Variants in KIF5A observed in about 807,000 individuals in gnomAD.
KIF5A encodes kinesin family member 5A, also known as kinesin heavy chain isoform 5A.
Under a neutral mutation model 141.3 loss-of-function variants are expected in KIF5A, and 35 were observed. That is an observed-to-expected ratio of 0.25 (90% CI 0.19 to 0.33). KIF5A has a LOEUF of 0.33. Ranked by LOEUF, KIF5A falls within the 10% of genes least tolerant of loss-of-function variation. The pLI is 1.00. For missense variants in KIF5A, 861 were observed against 1,314.3 expected (o/e 0.66, Z 5.33); for synonymous variants, 448 against 500.2 (o/e 0.90, Z 1.39).
In KIF5A at chr12:57,581,449, C is replaced by G. The variant is rs761201366; in HGVS notation, c.2790C>G (p.Ser930=). The G allele has an allele frequency of 6.2e-7, 1 of 1,614,088 alleles. No homozygotes were observed. The highest frequency in any genetic ancestry group is 1.6e-4 in the Middle Eastern group (1 of 6,062). ...KPVRPGHYPA[S]SPTNPYGTRS... ...TCCGGCCTGGCCACTACCCAGCATC[C>G]TCACCCACCAACCCCTATGGCACCC... Residue 930 remains serine (S), a synonymous_variant, in exon 25 of 29, where the codon TCC becomes TCG. Transcript: ENST00000455537.
Position 57,550,484 on chromosome 12 carries a change from T to C in KIF5A, c.129+84T>C, listed in dbSNP as rs1594904077. 7.3e-7 allele frequency: 1 copy of C among 1,369,408 alleles called. No homozygotes were observed. Among genetic ancestry groups the C allele is most frequent in the African/African-American group, 1.4e-5 (1 of 70,004 alleles). The allele number at this position is 1,369,408 out of a possible 1,614,324, so 84.8% of individuals were successfully genotyped here. On this transcript the variant is annotated intron_variant, in intron 1 of 28. Transcript: ENST00000455537. The surrounding 1 kb of genome is among the most constrained non-coding windows in gnomAD (Gnocchi z 4.6). ...CCCGCAGAGCCTTAGTCTCTGCTGG[T>C]CCCTTTGCTCCCCCTCCCCGCCGCT... is the stretch of plus-strand genomic sequence containing the variant.
chr12:57,561,812 C>G (rs1881916511), intron 1 of KIF5A, among the ~76,000 whole-genome samples: 1 of 152,162 alleles, frequency 6.6e-6, no homozygotes, highest in Non-Finnish European at 1.5e-5. Flanking sequence ...ATAATTCCTT[C>G]TAGAAAAAAA....
At chr12:57,563,814 A>G in intron 3 of KIF5A, 121 bp downstream of exon 3, 2 of 937,626 alleles carry the variant, frequency 2.1e-6, no homozygotes, top group South Asian at 2.6e-5. Flanking sequence ...AGATGAGTAC[A>G]GAGGATGAAC....
At chr12:57,566,030 T>C (rs1882054322) in intron 6 of KIF5A, among the ~76,000 whole-genome samples, 2 of 152,044 alleles carry the variant, frequency 1.3e-5, no homozygotes, top group Admixed American at 1.3e-4. Flanking sequence ...GCTCAAGAGT[T>C]TGAGGTTGCA....
chr12:57,556,799 G>C (rs192841413), intron 1 of KIF5A, among the ~76,000 whole-genome samples: 252 of 152,230 alleles, frequency 1.7e-3, no homozygotes, highest in African/African-American at 5.6e-3. Flanking sequence ...GTGGGAAAGA[G>C]ATGAGAAAGC....
At chr12:57,582,703 A>T (rs2140172743) in intron 27 of KIF5A, 74 bp downstream of exon 27, 1 of 1,258,468 alleles carries the variant, frequency 7.9e-7, no homozygotes, top group African/African-American at 1.5e-5. Context: ...CTTGTGCCCC[A>T]CTTGGAGGTT....
chr12:57,559,462 G>A (rs1184013526), intron 1 of KIF5A, among the ~76,000 whole-genome samples: 2 of 151,988 alleles, frequency 1.3e-5, no homozygotes, highest in African/African-American at 4.8e-5. Context: ...GTGAGGTCGA[G>A]CATTAATTAA....
intron 1 of KIF5A, among the ~76,000 whole-genome samples, chr12:57,557,475 A>G (rs528129986): frequency 6.6e-6 from 1 of 152,258 alleles, no homozygotes; most frequent in South Asian, 2.1e-4. Context: ...AGGAAAGGAC[A>G]CCGAAGAAGC....
intron 26 of KIF5A, 47 bp downstream of exon 26, chr12:57,581,999 A>G: frequency 6.9e-7 from 1 of 1,459,480 alleles, no homozygotes; most frequent in Non-Finnish European, 9.6e-7. Flanking sequence ...CCTCAGGGCA[A>G]GTTGAGAGGC....
intron 8 of KIF5A, 42 bp downstream of exon 8, chr12:57,567,660 T>TA: frequency 1.3e-6 from 2 of 1,497,916 alleles, no homozygotes; most frequent in Non-Finnish European, 1.8e-6. Flanking sequence ...AAGCCTTGGC[T>TA]CTTTTTTTTT....
At chr12:57,584,180 A>G (rs768210598) in intron 28 of KIF5A, 38 bp from the exon 29 acceptor site, 13 of 152,586 alleles carry the variant, frequency 8.5e-5, no homozygotes, top group Non-Finnish European at 1.6e-4. Context: ...CTGAGCTACA[A>G]GCTGGGCCCT....
At position 57,575,508 on chromosome 12, in the gene KIF5A, C is replaced by G; in HGVS notation, c.1906-132C>G. 3 of 925,752 alleles carry G rather than the reference C, an allele frequency of 3.2e-6. No homozygotes were observed. The South Asian group carries it at 3.9e-5, about 12-fold the overall frequency. The allele number at this position is 925,752 out of a possible 1,614,324, so 57.3% of individuals were successfully genotyped here. Reference sequence around the variant, plus strand: ...AAGGAAGAGCCCCATAGGAATGGCCCCCAACCCTGCACCCTCATGGGAAGT... The same window carrying G: ...AAGGAAGAGCCCCATAGGAATGGCCGCCAACCCTGCACCCTCATGGGAAGT... On this transcript the variant is annotated intron_variant, in intron 16 of 28. Transcript: ENST00000455537.
intron 6 of KIF5A, among the ~76,000 whole-genome samples, chr12:57,565,399 C>T (rs926229420): frequency 2.2e-4 from 34 of 151,320 alleles, no homozygotes; most frequent in South Asian, 6.3e-4. Context: ...CCAGCCTGGG[C>T]GACAGAGTGA....
intron 13 of KIF5A, among the ~76,000 whole-genome samples, chr12:57,571,778 C>T (rs1882263185): frequency 6.6e-6 from 1 of 151,998 alleles, no homozygotes; most frequent in African/African-American, 2.4e-5. Flanking sequence ...AGGCTGGTCT[C>T]GAACTCCTGA....
At chr12:57,574,128 G>C (rs1882347658) in intron 15 of KIF5A, among the ~76,000 whole-genome samples, 1 of 151,742 alleles carries the variant, frequency 6.6e-6, no homozygotes. Context: ...GCTTGCAGTA[G>C]GAGTTAGAGG....
Position 57,550,261 on chromosome 12 carries a change from C to T in KIF5A, c.-11C>T, listed in dbSNP as rs750592743. 6.2e-7 allele frequency: 1 copy of T among 1,613,960 alleles called. No homozygotes were observed. Among genetic ancestry groups the T allele is most frequent in the South Asian group, 1.1e-5 (1 of 91,080 alleles). On this transcript the variant is annotated 5_prime_UTR_variant, in exon 1 of 29. Transcript: ENST00000455537. The surrounding 1 kb of genome is among the most constrained non-coding windows in gnomAD (Gnocchi z 4.6). Reference sequence around the variant, plus strand: ...CCCAAGAAGAGTCCCAGCCCCACGCCGGCTACCACCATGGCGGAGACCAAC... The same window carrying T: ...CCCAAGAAGAGTCCCAGCCCCACGCTGGCTACCACCATGGCGGAGACCAAC...
At chr12:57,568,071 C>T (rs906565934) in intron 8 of KIF5A, among the ~76,000 whole-genome samples, 6 of 151,408 alleles carry the variant, frequency 4.0e-5, no homozygotes, top group African/African-American at 1.2e-4. Flanking sequence ...TTAGTAGAGA[C>T]GGGGTTTCAC....
chr12:57,569,204 C>G (rs1048385024), intron 9 of KIF5A, 52 bp from the exon 10 acceptor site: 2 of 1,608,876 alleles, frequency 1.2e-6, no homozygotes, highest in African/African-American at 2.7e-5. Context: ...TTCTGATTCC[C>G]TGTTGAATTT....
intron 25 of KIF5A, 42 bp downstream of exon 25, chr12:57,581,610 C>T: frequency 6.2e-7 from 1 of 1,608,336 alleles, no homozygotes; most frequent in Non-Finnish European, 8.5e-7. Context: ...ACCCAAAGCT[C>T]CCTGGACCCT....
Sources: allele counts gnomAD v4.1 joint callset (sites outside exome capture counted in the v4.1 genomes callset), GRCh38; gene constraint gnomAD v4.1.1; non-coding constraint Gnocchi (gnomAD v3.1); transcripts MANE v1.5; gene names NCBI Gene and HGNC (gene_info 2026-07-23, HGNC 2026-07-21).